Variants in SOAT1 observed in about 807,000 individuals in gnomAD.
SOAT1 encodes the protein sterol O-acyltransferase 1.
Under a neutral mutation model 69.5 loss-of-function variants are expected in SOAT1, and 55 were observed. That is an observed-to-expected ratio of 0.79 (90% CI 0.64 to 0.99). The LOEUF (loss-of-function observed/expected upper bound fraction) is 0.99. Ranked by LOEUF, SOAT1 falls within the 50% of genes least tolerant of loss-of-function variation. The pLI, the probability that SOAT1 is intolerant of heterozygous loss-of-function variation, is 0.00. For synonymous variants in SOAT1, 231 were observed against 224.7 expected, an observed-to-expected ratio of 1.03 and a Z score of -0.25; for missense variants, 580 against 669.3, an observed-to-expected ratio of 0.87 and a Z score of 1.47.
intron 2 of SOAT1, among the ~76,000 whole-genome samples, chr1:179,308,235 AT>A (rs1231251585): frequency 2.0e-5 from 3 of 152,176 alleles, no homozygotes; most frequent in African/African-American, 7.2e-5. Flanking sequence ...TTATCTCTTG[AT>A]TTAAAACAAG....
intron 2 of SOAT1, among the ~76,000 whole-genome samples, chr1:179,312,941 C>A (rs752316911): frequency 3.3e-5 from 5 of 152,162 alleles, no homozygotes; most frequent in Admixed American, 1.3e-4. Context: ...AAATTTTTCC[C>A]AGTCAATAAG....
chr1:179,344,130 A>T (rs1666438189), intron 10 of SOAT1, among the ~76,000 whole-genome samples: 1 of 152,050 alleles, frequency 6.6e-6, no homozygotes. Flanking sequence ...AAAAAAAAAA[A>T]GAATGTATTA....
intron 6 of SOAT1, among the ~76,000 whole-genome samples, chr1:179,340,475 G>A (rs987999082): frequency 1.2e-4 from 19 of 152,128 alleles, no homozygotes; most frequent in Admixed American, 4.6e-4. Context: ...AAGGAGACCA[G>A]ATCTCAAAAT....
chr1:179,351,169 G>T, intron 14 of SOAT1, 148 bp from the exon 15 acceptor site: 2 of 603,502 alleles, frequency 3.3e-6, no homozygotes, highest in Non-Finnish European at 5.8e-6. Flanking sequence ...TCAGCCTCCC[G>T]AGTGGCTGGG....
At chr1:179,297,627 G>T (rs1296366980) in intron 1 of SOAT1, among the ~76,000 whole-genome samples, 1 of 150,720 alleles carries the variant, frequency 6.6e-6, no homozygotes, top group East Asian at 2.0e-4. Flanking sequence ...GAGCCGGTGC[G>T]CTTGTTTAAG....
chr1:179,302,288 A>G (rs1391360084), intron 1 of SOAT1, among the ~76,000 whole-genome samples: 1 of 152,156 alleles, frequency 6.6e-6, no homozygotes, highest in African/African-American at 2.4e-5. Flanking sequence ...GCTTAGTTCA[A>G]AGCTGATATA....
At chr1:179,294,802 G>A (rs990273547) in intron 1 of SOAT1, among the ~76,000 whole-genome samples, 4 of 152,142 alleles carry the variant, frequency 2.6e-5, no homozygotes, top group Admixed American at 2.0e-4. Flanking sequence ...CAAAGTGCTG[G>A]GATTACAGGC....
At chr1:179,308,920 A>AAAT (rs534802455) in intron 2 of SOAT1, among the ~76,000 whole-genome samples, 137 of 152,240 alleles carry the variant, frequency 9.0e-4, no homozygotes, top group African/African-American at 2.4e-3. Context: ...TAATTCTTTA[A>AAAT]AATACCTGTG....
In SOAT1 at chr1:179,344,980, T is replaced by A; in HGVS notation, c.1021T>A (p.Phe341Ile). ...TTGCTTTTTCTATGTGTACTACATC[T>A]TTGAAAGGCTTTGTGCCCCCTTGTT... ...FGCFFYVYYI[F>I]ERLCAPLFRN... The change falls in exon 11 of 16, where the codon TTT (phenylalanine) becomes ATT (isoleucine). Residue 341 changes from phenylalanine (F) to isoleucine (I), a missense_variant. Transcript: ENST00000367619. 6.2e-7 allele frequency: 1 copy of A among 1,614,118 alleles called. No individual in the cohort carries two copies. The highest frequency in any genetic ancestry group is 8.5e-7 in the Non-Finnish European group (1 of 1,179,950).
At chr1:179,325,737 A>G (rs544368140) in intron 3 of SOAT1, among the ~76,000 whole-genome samples, 2 of 152,254 alleles carry the variant, frequency 1.3e-5, no homozygotes, top group South Asian at 4.2e-4. Flanking sequence ...CAAAGGCGAA[A>G]GGGAGTTTGG....
At chr1:179,341,782 C>T (rs1666347812) in intron 7 of SOAT1, among the ~76,000 whole-genome samples, 1 of 152,172 alleles carries the variant, frequency 6.6e-6, no homozygotes, top group Non-Finnish European at 1.5e-5. Context: ...ATCCGCCTGC[C>T]TCGGCCTCCC....
chr1:179,306,846 A>AG lies in SOAT1; in HGVS notation c.118+4044_118+4045insG, dbSNP rs1428689303. On this transcript the variant is annotated intron_variant, in intron 2 of 15. Coordinates refer to ENST00000367619, the MANE Select transcript of SOAT1 (RefSeq NM_003101.6). Reference sequence around the variant, plus strand: ...ACTCCATCTCAAAAAAAAAAAAAAAAAAAAGCAGCACCACCATATGCTGTC... The same window carrying AG: ...ACTCCATCTCAAAAAAAAAAAAAAAAGAAAAGCAGCACCACCATATGCTGTC... Among the ~76,000 whole-genome samples the AG allele has an allele frequency of 2.8e-4, 43 of 151,404 alleles. 1 individual carries two copies. Among genetic ancestry groups the AG allele is most frequent in the African/African-American group, 1.0e-3 (42 of 41,200 alleles).
chr1:179,323,413 A>G, intron 2 of SOAT1, 24 bp from the exon 3 acceptor site: 2 of 1,609,200 alleles, frequency 1.2e-6, no homozygotes, highest in Non-Finnish European at 1.7e-6. Flanking sequence ...TCAACTTAAA[A>G]GTCATGTTTT....
intron 3 of SOAT1, among the ~76,000 whole-genome samples, chr1:179,333,282 C>T (rs983576935): frequency 5.3e-5 from 8 of 151,972 alleles, no homozygotes; most frequent in African/African-American, 1.5e-4. Flanking sequence ...TCTATCCTGC[C>T]GAGCTTCATT....
At chr1:179,306,546 C>T (rs1665010225) in intron 2 of SOAT1, among the ~76,000 whole-genome samples, 1 of 151,970 alleles carries the variant, frequency 6.6e-6, no homozygotes, top group Non-Finnish European at 1.5e-5. Flanking sequence ...AGTAGCACCA[C>T]CAAAAGCCAG....
chr1:179,335,727 G>T lies in SOAT1; in HGVS notation c.329+70G>T, dbSNP rs1055271437. 3 of 1,426,378 alleles carry T rather than the reference G, an allele frequency of 2.1e-6. No individual in the cohort carries two copies. The Admixed American group carries it at 6.5e-5, about 31-fold the overall frequency. 88.4% of individuals were successfully genotyped at this position (1,426,378 alleles called of 1,614,324 possible). A position where few individuals can be genotyped will look rare whatever the true frequency, so the allele number is the denominator to read the frequency against. On this transcript the variant is annotated intron_variant, in intron 4 of 15. Transcript: ENST00000367619. ...TAGTTCAATGGTGAAAATGGACTGC[G>T]GCAAATATGCTTGAGTTCACACCCT...
Position 179,341,813 on chromosome 1 carries a change from G to A in SOAT1, c.781-301G>A, listed in dbSNP as rs959071720. Among the ~76,000 whole-genome samples, 11 of 152,128 alleles carry A rather than the reference G, an allele frequency of 7.2e-5. No homozygotes were observed. In the East Asian group the frequency reaches 9.6e-4, roughly 13 times the overall value. On this transcript the variant is annotated intron_variant, in intron 7 of 15. Coordinates refer to ENST00000367619, the MANE Select transcript of SOAT1 (RefSeq NM_003101.6). The stretch of plus-strand genomic sequence containing the variant: ...CTCCCAAAGTGCTGAGATTACAGGC[G>A]TAAGCCACCGCGCCCGGCCACATTG...
chr1:179,349,681 C>G (rs1666657757), intron 13 of SOAT1, among the ~76,000 whole-genome samples: 3 of 152,130 alleles, frequency 2.0e-5, no homozygotes, highest in Admixed American at 2.0e-4. Flanking sequence ...TCTCTCCAAT[C>G]AGTGACACCT....
At position 179,351,486 on chromosome 1, in the gene SOAT1, T is replaced by C. The variant is rs772731953; in HGVS notation, c.1596+24T>C. 8 of 1,609,334 alleles carry C rather than the reference T, an allele frequency of 5.0e-6. No homozygotes were observed. The Admixed American group carries it at 1.4e-4, about 27-fold the overall frequency. ...ATGTGAGTCACCAACCTGGTTGGAGTGCAAAAGAACCTGTTTATTCTCTGT... is the reference window on the plus strand; with the variant it reads ...ATGTGAGTCACCAACCTGGTTGGAGCGCAAAAGAACCTGTTTATTCTCTGT... On this transcript the variant is annotated intron_variant, in intron 15 of 15. Transcript: ENST00000367619.
Sources: allele counts gnomAD v4.1 joint callset (sites outside exome capture counted in the v4.1 genomes callset), GRCh38; gene constraint gnomAD v4.1.1; transcripts MANE v1.5; gene names NCBI Gene and HGNC (gene_info 2026-07-23, HGNC 2026-07-21).